C1QTNF1: variants seen among roughly 807,000 people sequenced by gnomAD.
The protein encoded by C1QTNF1 is complement C1q tumor necrosis factor-related protein 1.
C1QTNF1 carries 22 observed loss-of-function variants against 27.8 expected under a neutral mutation model. The ratio of observed to expected loss-of-function variants is 0.79; its 90% CI spans 0.56 to 1.13. The LOEUF (loss-of-function observed/expected upper bound fraction) is 1.13. C1QTNF1 is among the 50% of genes most tolerant of loss of function. The pLI is 0.00. For missense variants in C1QTNF1, 373 were observed against 380.2 expected (o/e 0.98, Z 0.16); for synonymous variants, 166 against 154.3 (o/e 1.08, Z -0.56).
intron 1 of C1QTNF1, among the ~76,000 whole-genome samples, chr17:79,042,914 G>A (rs112207238): frequency 0.013 from 1,929 of 152,330 alleles, 50 homozygotes; most frequent in African/African-American, 0.041. Flanking sequence ...GTATGCGGGC[G>A]TGCACGTGAG....
intron 1 of C1QTNF1, chr17:79,034,145 G>A (rs1002087951): frequency 6.6e-6 from 1 of 152,324 alleles, no homozygotes; most frequent in Non-Finnish European, 1.5e-5. Context: ...GGTGCGACGG[G>A]GCACCAGGCC....
rs1270428533 is a variant in C1QTNF1 at position 79,046,114 on chromosome 17, A to T, written c.156-441A>T. The stretch of plus-strand genomic sequence containing the variant: ...CTTCCAATCAGGTTGGAAACATAAG[A>T]GTCTCTCCAGCGGCTACAGCTGAGG... On this transcript the variant is annotated intron_variant, in intron 2 of 3. Coordinates refer to ENST00000579760, the MANE Select transcript of C1QTNF1 (RefSeq NM_030968.5). The surrounding 1 kb of genome is among the most constrained non-coding windows in gnomAD (Gnocchi z 4.8). Among the ~76,000 whole-genome samples the T allele has an allele frequency of 6.6e-6, 1 of 152,136 alleles. No homozygotes were observed. The highest frequency in any genetic ancestry group is 2.4e-5 in the African/African-American group (1 of 41,420).
In C1QTNF1 at chr17:79,047,831, C is replaced by T; in HGVS notation, c.589C>T (p.Leu197Phe). Residue 197 changes from leucine (L) to phenylalanine (F), a missense_variant, in exon 4 of 4, where the codon CTC (leucine) becomes TTC (phenylalanine). Transcript: ENST00000579760. ...CGTGCCCGGCCTCTACTTCTTCAGC[C>T]TCAACGTGCACACCTGGAACCAGAA... ...CYVPGLYFFS[L>F]NVHTWNQKET... The T allele has an allele frequency of 6.2e-7, 1 of 1,614,220 alleles. No individual in the cohort carries two copies. The highest frequency in any genetic ancestry group is 8.5e-7 in the Non-Finnish European group (1 of 1,180,030).
intron 1 of C1QTNF1, among the ~76,000 whole-genome samples, chr17:79,040,148 A>T (rs576379228): frequency 6.6e-6 from 1 of 152,320 alleles, no homozygotes; most frequent in Non-Finnish European, 1.5e-5. Context: ...CATAGGCTAG[A>T]CAAACTCTCT....
In C1QTNF1 at chr17:79,049,645, G is replaced by A. The variant is rs913368849; in HGVS notation, c.*1557G>A. ...GGCTGCCGGGATCTGGGGTCCCTAA[G>A]TCCCTCTCTTTAAAGAACTTCTGCG... On this transcript the variant is annotated 3_prime_UTR_variant, in exon 4 of 4. Coordinates refer to ENST00000579760, the MANE Select transcript of C1QTNF1 (RefSeq NM_030968.5). The surrounding 1 kb of genome is among the most constrained non-coding windows in gnomAD (Gnocchi z 4.4). 4 of 152,208 alleles carry A rather than the reference G, an allele frequency of 2.6e-5. No individual in the cohort carries two copies. Among genetic ancestry groups the A allele is most frequent in the Non-Finnish European group, 4.4e-5 (3 of 68,126 alleles). 9.4% of individuals were successfully genotyped at this position (152,208 alleles called of 1,614,324 possible).
chr17:79,023,704 GCACACACA>G (rs5822269), upstream of C1QTNF1, among the ~76,000 whole-genome samples: 323 of 145,026 alleles, frequency 2.2e-3, 3 homozygotes, highest in East Asian at 7.0e-3. Context: ...GCGCGCGCGC[GCACACACA>G]CACACACACA....
At position 79,047,616 on chromosome 17, in the gene C1QTNF1, C is replaced by G. The variant is rs138383380; in HGVS notation, c.374C>G (p.Thr125Ser). 1 of 1,586,480 alleles carries G rather than the reference C, an allele frequency of 6.3e-7. No individual in the cohort carries two copies. ...KTGSAGARGH[T>S]GPKGQKGSMG... Reference sequence around the variant, plus strand: ...GGCTCAGCAGGGGCCAGGGGCCACACTGGACCCAAAGGGCAGAAGGGCTCC... The same window carrying G: ...GGCTCAGCAGGGGCCAGGGGCCACAGTGGACCCAAAGGGCAGAAGGGCTCC... The change falls in exon 4 of 4, where the codon ACT (threonine) becomes AGT (serine). Residue 125 changes from threonine (T) to serine (S), a missense_variant. Physicochemically the swap from Thr to Ser is moderately conservative, Grantham distance 58 (BLOSUM62 1). Transcript: ENST00000579760.
rs3803780 is a variant in C1QTNF1, at chr17:79,049,340, A to G, written c.*1252A>G. On this transcript the variant is annotated 3_prime_UTR_variant, in exon 4 of 4. Transcript: ENST00000579760. This position sits in a 1 kb window ranked among gnomAD's most constrained non-coding sequence, Gnocchi z 4.4. ...ACACGTCCCAATCACCCGTGTCAGG[A>G]TTCACTCTCAGGAGCTGGGTGGCAG... 0.045 allele frequency: 6,918 copies of G among 152,396 alleles called. 192 individuals are homozygous for G. Among genetic ancestry groups the G allele is most frequent in the African/African-American group, 0.074 (3,068 of 41,512 alleles). 9.4% of individuals were successfully genotyped at this position (152,396 alleles called of 1,614,324 possible).
rs2072497006 is a variant in C1QTNF1 at position 79,043,981 on chromosome 17, G to A, written c.13G>A (p.Gly5Arg). The stretch of plus-strand genomic sequence containing the variant: ...GCCCGGCAGGAAGATGGGCTCCCGT[G>A]GACAGGGACTCTTGCTGGCGTACTG... MGSR[G>R]QGLLLAYCLL... Residue 5 changes from glycine (G) to arginine (R), a missense_variant, in exon 2 of 4, where the codon GGA (glycine) becomes AGA (arginine). Coordinates refer to ENST00000579760, the MANE Select transcript of C1QTNF1 (RefSeq NM_030968.5). The A allele has an allele frequency of 6.8e-6, 11 of 1,614,110 alleles. No homozygotes were observed. The highest frequency in any genetic ancestry group is 9.3e-6 in the Non-Finnish European group (11 of 1,180,032).
At chr17:79,032,680 C>A (rs2072166906) in intron 1 of C1QTNF1, among the ~76,000 whole-genome samples, 1 of 152,096 alleles carries the variant, frequency 6.6e-6, no homozygotes, top group African/African-American at 2.4e-5. Context: ...TGATGGCATG[C>A]ATAGCTTTCA....
At chr17:79,045,542 G>T (rs1334562756) in intron 2 of C1QTNF1, among the ~76,000 whole-genome samples, 1 of 152,220 alleles carries the variant, frequency 6.6e-6, no homozygotes, top group Non-Finnish European at 1.5e-5. Context: ...CCTGGGCTCA[G>T]TTCTGGAGGT....
rs2072497790 is a variant in C1QTNF1 at position 79,044,006 on chromosome 17, G to A, written c.38G>A (p.Cys13Tyr). The A allele has an allele frequency of 6.2e-7, 1 of 1,614,182 alleles. No individual in the cohort carries two copies. Among genetic ancestry groups the A allele is most frequent in the South Asian group, 1.1e-5 (1 of 91,090 alleles). The change falls in exon 2 of 4, where the codon TGC (cysteine) becomes TAC (tyrosine). Residue 13 changes from cysteine to tyrosine, a missense_variant. Coordinates refer to ENST00000579760, the MANE Select transcript of C1QTNF1 (RefSeq NM_030968.5). ...SRGQGLLLAY[C>Y]LLLAFASGLV... is the part of the protein sequence containing the mutation. ...GGACAGGGACTCTTGCTGGCGTACT[G>A]CCTGCTCCTTGCCTTTGCCTCTGGC...
At position 79,047,930 on chromosome 17, in the gene C1QTNF1, A is replaced by T; in HGVS notation, c.688A>T (p.Ile230Phe). 1.2e-6 allele frequency: 2 copies of T among 1,614,088 alleles called. No homozygotes were observed. The highest frequency in any genetic ancestry group is 2.2e-5 in the South Asian group (2 of 91,078). The part of the protein sequence containing the change: ...ILFAQVGDRS[I>F]MQSQSLMLEL... Reference sequence around the variant, plus strand: ...GTTCGCGCAGGTGGGCGACCGCAGCATCATGCAAAGCCAGAGCCTGATGCT... The same window carrying T: ...GTTCGCGCAGGTGGGCGACCGCAGCTTCATGCAAAGCCAGAGCCTGATGCT... The change falls in exon 4 of 4, where the codon ATC (isoleucine) becomes TTC (phenylalanine). Residue 230 changes from isoleucine (I) to phenylalanine (F), a missense_variant. By Grantham distance (21) the Ile-to-Phe change is conservative. Coordinates refer to ENST00000579760, the MANE Select transcript of C1QTNF1 (RefSeq NM_030968.5).
chr17:79,043,220 G>A (rs529096024), intron 1 of C1QTNF1: 1 of 452,888 alleles, frequency 2.2e-6, no homozygotes, highest in South Asian at 1.6e-5. Flanking sequence ...GCATGTGTGT[G>A]TGAATCTGTG....
chr17:79,034,443 C>T (rs1469122134), intron 1 of C1QTNF1: 3 of 152,334 alleles, frequency 2.0e-5, no homozygotes, highest in Admixed American at 2.0e-4. Context: ...TGGCCAAGCG[C>T]CCCGAAGGCC....
Position 79,047,952 on chromosome 17 carries a change from T to A in C1QTNF1, c.710T>A (p.Met237Lys). The A allele has an allele frequency of 6.2e-7, 1 of 1,613,948 alleles. No individual in the cohort carries two copies. The highest frequency in any genetic ancestry group is 8.5e-7 in the Non-Finnish European group (1 of 1,180,004). Residue 237 changes from methionine (M) to lysine (K), a missense_variant, in exon 4 of 4, where the codon ATG becomes AAG. Coordinates refer to ENST00000579760, the MANE Select transcript of C1QTNF1 (RefSeq NM_030968.5). The stretch of plus-strand genomic sequence containing the variant: ...AGCATCATGCAAAGCCAGAGCCTGA[T>A]GCTGGAGCTGCGAGAGCAGGACCAG... ...DRSIMQSQSL[M>K]LELREQDQVW...
At position 79,046,919 on chromosome 17, in the gene C1QTNF1, C is replaced by A; in HGVS notation, c.295+225C>A. On this transcript the variant is annotated intron_variant, in intron 3 of 3. Coordinates refer to ENST00000579760, the MANE Select transcript of C1QTNF1 (RefSeq NM_030968.5). This position sits in a 1 kb window ranked among gnomAD's most constrained non-coding sequence, Gnocchi z 4.8. ...AGGGGTTGGAAAGGGGCCCACAGGA[C>A]CAAGAGCAGGAGAGGGAGCCCAGAG... is the stretch of plus-strand genomic sequence containing the variant. 5.0e-6 allele frequency: 3 copies of A among 594,808 alleles called. No homozygotes were observed. The South Asian group carries it at 7.0e-5, about 14-fold the overall frequency. 36.8% of individuals were successfully genotyped at this position (594,808 alleles called of 1,614,324 possible).
At chr17:79,036,418 T>G (rs1171980745) in intron 1 of C1QTNF1, among the ~76,000 whole-genome samples, 1 of 152,148 alleles carries the variant, frequency 6.6e-6, no homozygotes, top group Non-Finnish European at 1.5e-5. Flanking sequence ...CAGGCGATCC[T>G]CCCACCTTGG....
At chr17:79,027,891 C>T (rs764452542) in intron 1 of C1QTNF1, among the ~76,000 whole-genome samples, 40 of 152,322 alleles carry the variant, frequency 2.6e-4, no homozygotes, top group Middle Eastern at 6.8e-3. Context: ...AGCAGGGGCA[C>T]GGGGACCCCC....
Sources: gnomAD v4.1 joint callset for allele counts (sites outside exome capture counted in the v4.1 genomes callset) on GRCh38, gnomAD v4.1.1 for gene constraint, Gnocchi (gnomAD v3.1) non-coding constraint, MANE v1.5 for transcripts, NCBI Gene and HGNC (gene_info 2026-07-23, HGNC 2026-07-21) for gene names.